The following RUFY1 variants were observed in gnomAD, a reference collection of about 807,000 sequenced individuals.
The protein encoded by RUFY1 is RUN and FYVE domain-containing protein 1.
In RUFY1, 54 loss-of-function variants were observed where a neutral mutation model predicts 94.6. That is an observed-to-expected ratio of 0.57 (90% CI 0.46 to 0.72). The LOEUF is 0.72. Among genes scored for constraint, RUFY1 ranks in the 30% least tolerant of loss-of-function variants. The probability of loss-of-function intolerance (pLI) is 0.00; values close to 1 mark genes in which losing one functional copy is unlikely to be tolerated. For synonymous variants in RUFY1, 396 were observed against 347.3 expected (o/e 1.14, Z -1.56); for missense variants, 883 against 883.9 (o/e 1.00, Z 0.01).
chr5:179,579,161 C>T (rs1047982435), intron 6 of RUFY1, among the ~76,000 whole-genome samples: 1 of 152,134 alleles, frequency 6.6e-6, no homozygotes, highest in African/African-American at 2.4e-5. Flanking sequence ...AGGACTCTCA[C>T]GGTCTGAGTG....
chr5:179,595,097 CTT>C, intron 12 of RUFY1, 134 bp downstream of exon 12: 1 of 629,950 alleles, frequency 1.6e-6, no homozygotes, highest in South Asian at 1.9e-5. Flanking sequence ...AATCCCAACA[CTT>C]TGGGAGGCCG....
At chr5:179,555,997 C>CAATGAATTGCATCTCTAAATGA (rs1298336973) in intron 1 of RUFY1, among the ~76,000 whole-genome samples, 3 of 151,666 alleles carry the variant, frequency 2.0e-5, no homozygotes, top group African/African-American at 7.3e-5. Context: ...TGCTCCCAGC[C>CAATGAATTGCATCTCTAAATGA]GAAAACTTAA....
chr5:179,550,768 C>T lies in RUFY1; in HGVS notation c.199C>T (p.Leu67=), dbSNP rs1761786641. ...RAAEGWSAPI[L]TLARRATGNL... is the part of the protein sequence containing the mutation. ...GGCCGAGGGCTGGTCGGCGCCCATC[C>T]TGACCCTGGCACGCAGGGCCACCGG... Residue 67 remains leucine (L), a synonymous_variant, in exon 1 of 18, where the codon CTG becomes TTG. Transcript: ENST00000319449. 7.1e-7 allele frequency: 1 copy of T among 1,406,152 alleles called. No homozygotes were observed. Among genetic ancestry groups the T allele is most frequent in the Non-Finnish European group, 9.3e-7 (1 of 1,076,264 alleles). The allele number at this position is 1,406,152 out of a possible 1,614,324, so 87.1% of individuals were successfully genotyped here.
At position 179,591,625 on chromosome 5, in the gene RUFY1, A is replaced by C. The variant is rs1341031185; in HGVS notation, c.1129A>C (p.Ile377Leu). ...CTCTTGGTGTCCTTGTTTGATACAG[A>C]TAACAAAACAGGATACCAAAGTTGA... The part of the protein sequence containing the change: ...IRERSEKSVE[I>L]TKQDTKVELE... The change falls in exon 10 of 18, where the codon ATA becomes CTA. Residue 377 changes from isoleucine to leucine, a missense_variant and splice_region_variant. Ile to Leu is a conservative substitution (Grantham distance 5). Coordinates refer to ENST00000319449, the MANE Select transcript of RUFY1 (RefSeq NM_025158.5). 6.3e-7 allele frequency: 1 copy of C among 1,598,478 alleles called. No individual in the cohort carries two copies. The highest frequency in any genetic ancestry group is 1.3e-5 in the African/African-American group (1 of 74,420).
Position 179,550,649 on chromosome 5 carries a change from G to T in RUFY1, c.80G>T (p.Gly27Val), listed in dbSNP as rs868173434. Residue 27 changes from glycine to valine, a missense_variant, in exon 1 of 18, where the codon GGG (glycine) becomes GTG (valine). By Grantham distance (109) the Gly-to-Val change is moderately radical. Transcript: ENST00000319449. ...EPELEPGPGP[G>V]SALEPGEEFE... The stretch of plus-strand genomic sequence containing the variant: ...GAGCTGGAGCCGGGGCCGGGGCCCG[G>T]GTCAGCGCTTGAGCCGGGAGAAGAG... 6.9e-7 allele frequency: 1 copy of T among 1,446,420 alleles called. No homozygotes were observed. The highest frequency in any genetic ancestry group is 1.3e-5 in the South Asian group (1 of 76,650). 89.6% of individuals were successfully genotyped at this position (1,446,420 alleles called of 1,614,324 possible). A position where few individuals can be genotyped will look rare whatever the true frequency, so the allele number is the denominator to read the frequency against.
chr5:179,604,964 A>G (rs1230251977), intron 15 of RUFY1, among the ~76,000 whole-genome samples: 4 of 149,488 alleles, frequency 2.7e-5, no homozygotes, highest in African/African-American at 5.0e-5. Context: ...AGCCTGGCCA[A>G]TGCAGCAAGA....
chr5:179,564,229 C>T (rs1478460169), intron 3 of RUFY1, among the ~76,000 whole-genome samples: 2 of 150,720 alleles, frequency 1.3e-5, no homozygotes, highest in Non-Finnish European at 2.9e-5. Flanking sequence ...CAGCGATTCT[C>T]CTGCCTCTGC....
At chr5:179,564,650 C>T (rs1231821000) in intron 3 of RUFY1, among the ~76,000 whole-genome samples, 3 of 148,526 alleles carry the variant, frequency 2.0e-5, no homozygotes, top group Admixed American at 6.9e-5. Context: ...GCCTGGATGA[C>T]AGAGTGAAGT....
At chr5:179,588,969 A>G (rs1764825774) in intron 8 of RUFY1, among the ~76,000 whole-genome samples, 1 of 151,984 alleles carries the variant, frequency 6.6e-6, no homozygotes, top group African/African-American at 2.4e-5. Flanking sequence ...GGGCTCAAGC[A>G]GTCCACCCAC....
chr5:179,560,452 G>C (rs1158426144), intron 2 of RUFY1, among the ~76,000 whole-genome samples: 2 of 152,152 alleles, frequency 1.3e-5, no homozygotes, highest in Non-Finnish European at 2.9e-5. Flanking sequence ...GGGCGCGGTG[G>C]CTCACGCCTG....
chr5:179,569,255 G>A (rs1197170870), intron 4 of RUFY1, 47 bp from the exon 5 acceptor site: 1 of 1,612,624 alleles, frequency 6.2e-7, no homozygotes, highest in East Asian at 2.2e-5. Flanking sequence ...GAGTGGGGAT[G>A]GTGAAGCTGT....
chr5:179,580,117 T>A (rs2127539360), intron 6 of RUFY1, among the ~76,000 whole-genome samples: 1 of 152,224 alleles, frequency 6.6e-6, no homozygotes, highest in South Asian at 2.1e-4. Context: ...TCTACTGGTA[T>A]ATTGAATGAG....
rs1318560090 is a variant in RUFY1 at position 179,580,935 on chromosome 5, T to A, written c.891-12T>A. 6.5e-7 allele frequency: 1 copy of A among 1,544,240 alleles called. No individual in the cohort carries two copies. The highest frequency in any genetic ancestry group is 1.2e-5 in the South Asian group (1 of 86,310). ...AAAAAAAAGTTCTTCCTTCTTATGCTCCTTTTAAAAGGCATGAAAGAATTA... is the reference window on the plus strand; with the variant it reads ...AAAAAAAAGTTCTTCCTTCTTATGCACCTTTTAAAAGGCATGAAAGAATTA... On this transcript the variant is annotated splice_polypyrimidine_tract_variant and intron_variant, in intron 6 of 17. Transcript: ENST00000319449.
At chr5:179,591,192 T>A (rs758092070) in intron 9 of RUFY1, among the ~76,000 whole-genome samples, 2 of 151,980 alleles carry the variant, frequency 1.3e-5, no homozygotes, top group Non-Finnish European at 2.9e-5. Flanking sequence ...TTTTTGTTTT[T>A]TTTTGGTGGG....
intron 7 of RUFY1, among the ~76,000 whole-genome samples, chr5:179,585,352 G>A (rs79267661): frequency 6.6e-6 from 1 of 152,190 alleles, no homozygotes; most frequent in East Asian, 1.9e-4. Context: ...AGGGTGGGCA[G>A]CCTCACCTGA....
rs770584049 is a variant in RUFY1, at chr5:179,550,604, G to T, written c.35G>T (p.Arg12Leu). The T allele has an allele frequency of 5.0e-5, 64 of 1,277,980 alleles. No homozygotes were observed. Among genetic ancestry groups the T allele is most frequent in the Non-Finnish European group, 6.2e-5 (63 of 1,022,448 alleles). 79.2% of individuals were successfully genotyped at this position (1,277,980 alleles called of 1,614,324 possible). The change falls in exon 1 of 18, where the codon CGG becomes CTG. Residue 12 changes from arginine (R) to leucine (L), a missense_variant. Coordinates refer to ENST00000319449, the MANE Select transcript of RUFY1 (RefSeq NM_025158.5). Reference sequence around the variant, plus strand: ...CGGGAAGGCGGCTGCGCTGCTGGGCGGGGGCGGGAGCTGGAGCCGGAGCTG... The same window carrying T: ...CGGGAAGGCGGCTGCGCTGCTGGGCTGGGGCGGGAGCTGGAGCCGGAGCTG... ...ADREGGCAAG[R>L]GRELEPELEP...
At chr5:179,565,265 G>C (rs1346673162) in intron 3 of RUFY1, among the ~76,000 whole-genome samples, 6 of 137,122 alleles carry the variant, frequency 4.4e-5, no homozygotes, top group Non-Finnish European at 9.1e-5. Flanking sequence ...TGCAGCCTCT[G>C]CCTCCCGGGT....
chr5:179,554,300 A>G (rs12652495), intron 1 of RUFY1, among the ~76,000 whole-genome samples: 60,450 of 151,602 alleles, frequency 0.4, 12,404 homozygotes, highest in East Asian at 0.69. Context: ...ACTTTGGAAG[A>G]CCGAGGTGGG....
chr5:179,589,949 G>A (rs1484772575), intron 9 of RUFY1, among the ~76,000 whole-genome samples: 1 of 152,130 alleles, frequency 6.6e-6, no homozygotes, highest in Non-Finnish European at 1.5e-5. Context: ...GGCGGGCCTG[G>A]GCCATCCTCC....
Sources: allele counts gnomAD v4.1 joint callset (sites outside exome capture counted in the v4.1 genomes callset), GRCh38; gene constraint gnomAD v4.1.1; transcripts MANE v1.5; gene names NCBI Gene and HGNC (gene_info 2026-07-23, HGNC 2026-07-21).